Variants in MRPL48 observed in about 807,000 individuals in gnomAD.
The protein encoded by MRPL48 is large ribosomal subunit protein mL48.
Under a neutral mutation model 32.9 loss-of-function variants are expected in MRPL48, and 16 were observed. That is an observed-to-expected ratio of 0.49 (90% CI 0.33 to 0.74). The LOEUF is 0.74. Ranked by LOEUF, MRPL48 falls within the 30% of genes least tolerant of loss-of-function variation. The probability of loss-of-function intolerance (pLI) is 0.02; values close to 1 mark genes in which losing one functional copy is unlikely to be tolerated. For missense variants in MRPL48, 206 were observed against 245.3 expected (o/e 0.84, Z 1.07); for synonymous variants, 94 against 89.2 (o/e 1.05, Z -0.31).
chr11:73,844,763 T>G, intron 4 of MRPL48, 44 bp from the exon 5 acceptor site: 1 of 1,557,136 alleles, frequency 6.4e-7, no homozygotes, highest in South Asian at 1.2e-5. Context: ...TTAGAATTTC[T>G]TGTATAATAC....
intron 5 of MRPL48, chr11:73,851,213 A>T: frequency 2.4e-6 from 1 of 414,990 alleles, no homozygotes; most frequent in Non-Finnish European, 4.9e-6. Context: ...GCCATATTGG[A>T]CAAACAAAAA....
At chr11:73,857,425 C>T (rs1948501891) in intron 5 of MRPL48, among the ~76,000 whole-genome samples, 1 of 151,120 alleles carries the variant, frequency 6.6e-6, no homozygotes. Flanking sequence ...AGCCACTGCG[C>T]CCGACCGACT....
intron 5 of MRPL48, among the ~76,000 whole-genome samples, chr11:73,845,676 G>A (rs1256739403): frequency 5.3e-5 from 8 of 152,116 alleles, no homozygotes; most frequent in Non-Finnish European, 7.4e-5. Context: ...AGGGTGAGGC[G>A]GGAGGATAGC....
At chr11:73,800,119 A>G (rs1323989881) in intron 1 of MRPL48, among the ~76,000 whole-genome samples, 6 of 152,096 alleles carry the variant, frequency 3.9e-5, no homozygotes, top group African/African-American at 1.4e-4. Context: ...ATTAATTGAA[A>G]TAATATGGGC....
chr11:73,788,998 G>A (rs984864518), intron 1 of MRPL48, among the ~76,000 whole-genome samples: 1 of 152,142 alleles, frequency 6.6e-6, no homozygotes, highest in Non-Finnish European at 1.5e-5. Flanking sequence ...ATATTTCCAT[G>A]ATTCATAGGT....
rs970921281 is a variant in MRPL48, at chr11:73,832,812, A to G, written c.201+7016A>G. 10 of 152,142 alleles carry G rather than the reference A, an allele frequency of 6.6e-5. 1 individual carries two copies. Among genetic ancestry groups the G allele is most frequent in the African/African-American group, 2.4e-4 (10 of 41,430 alleles). 9.4% of individuals were successfully genotyped at this position (152,142 alleles called of 1,614,324 possible). ...TATATTAGCACTCATGTTTTCACTC[A>G]TTTATTTCTTGTAGCTCATTAAAAG... On this transcript the variant is annotated intron_variant, in intron 4 of 7. Transcript: ENST00000310614.
intron 5 of MRPL48, among the ~76,000 whole-genome samples, chr11:73,850,035 G>C (rs555662930): frequency 3.3e-4 from 50 of 152,330 alleles, no homozygotes; most frequent in African/African-American, 1.2e-3. Context: ...GGGAGGCAGA[G>C]GTTGCAGTGA....
chr11:73,814,820 C>G (rs1947633154), intron 3 of MRPL48, among the ~76,000 whole-genome samples: 4 of 151,724 alleles, frequency 2.6e-5, no homozygotes, highest in South Asian at 4.2e-4. Context: ...ATGGTGAAAC[C>G]CTGTCTCTAC....
intron 3 of MRPL48, among the ~76,000 whole-genome samples, chr11:73,813,112 A>C (rs972947918): frequency 3.3e-5 from 5 of 151,906 alleles, no homozygotes; most frequent in African/African-American, 4.8e-5. Flanking sequence ...GTGTGTCTTG[A>C]ATTTGTCATC....
chr11:73,791,472 A>T (rs2134923108), intron 1 of MRPL48, among the ~76,000 whole-genome samples: 1 of 151,992 alleles, frequency 6.6e-6, no homozygotes, highest in Admixed American at 6.5e-5. Flanking sequence ...GCAGCAGTGC[A>T]GTGGAGTGAT....
At chr11:73,856,384 TG>T (rs1324252052) in intron 5 of MRPL48, among the ~76,000 whole-genome samples, 7 of 152,196 alleles carry the variant, frequency 4.6e-5, no homozygotes, top group African/African-American at 1.7e-4. Flanking sequence ...GAGATGGAAT[TG>T]GGCTAGACAG....
chr11:73,848,336 C>T (rs759044128), intron 5 of MRPL48, among the ~76,000 whole-genome samples: 1 of 152,110 alleles, frequency 6.6e-6, no homozygotes, highest in Non-Finnish European at 1.5e-5. Flanking sequence ...TATGCTTACA[C>T]CTGTACCCAC....
intron 2 of MRPL48, among the ~76,000 whole-genome samples, chr11:73,805,689 A>G (rs371325000): frequency 7.7e-4 from 88 of 114,472 alleles, no homozygotes; most frequent in Middle Eastern, 7.5e-3. Context: ...GGCAGAGTCT[A>G]CCTCTGTTGC....
intron 1 of MRPL48, among the ~76,000 whole-genome samples, chr11:73,794,445 C>T (rs1210599916): frequency 1.3e-5 from 2 of 151,442 alleles, no homozygotes; most frequent in African/African-American, 2.4e-5. Context: ...ATCCCAGCTA[C>T]TCGGGAGGTT....
intron 1 of MRPL48, among the ~76,000 whole-genome samples, chr11:73,799,167 G>A (rs534941825): frequency 6.6e-6 from 1 of 152,070 alleles, no homozygotes. Flanking sequence ...TAGAGCCTGG[G>A]CAACATGGCA....
At chr11:73,834,360 A>G (rs1948050303) in intron 4 of MRPL48, among the ~76,000 whole-genome samples, 3 of 152,130 alleles carry the variant, frequency 2.0e-5, no homozygotes, top group African/African-American at 4.8e-5. Context: ...TTGTTTTGCC[A>G]TACTTATCAT....
intron 4 of MRPL48, among the ~76,000 whole-genome samples, chr11:73,834,792 A>G (rs74455944): frequency 2.7e-5 from 4 of 148,848 alleles, no homozygotes; most frequent in Admixed American, 6.7e-5. Context: ...GCCTCAGCCT[A>G]CCAAAGTGCT....
chr11:73,802,007 A>G (rs1947370187), intron 1 of MRPL48: 1 of 152,192 alleles, frequency 6.6e-6, no homozygotes, highest in South Asian at 2.1e-4. Context: ...TTGGGTGATG[A>G]TAAGAGTTTT....
In MRPL48 at chr11:73,864,285, C is replaced by G; in HGVS notation, c.565-11C>G. 1.2e-6 allele frequency: 2 copies of G among 1,612,438 alleles called. No homozygotes were observed. The highest frequency in any genetic ancestry group is 4.5e-5 in the East Asian group (2 of 44,856). On this transcript the variant is annotated splice_polypyrimidine_tract_variant and intron_variant, in intron 7 of 7. Transcript: ENST00000310614. Reference sequence around the variant, plus strand: ...AGTAATTACCGCTTATTTTCTTTTTCTTCTCCTTAGCACACTGAAGAAGAC... The same window carrying G: ...AGTAATTACCGCTTATTTTCTTTTTGTTCTCCTTAGCACACTGAAGAAGAC...
Sources: allele counts gnomAD v4.1 joint callset (sites outside exome capture counted in the v4.1 genomes callset), GRCh38; gene constraint gnomAD v4.1.1; transcripts MANE v1.5; gene names NCBI Gene and HGNC (gene_info 2026-07-23, HGNC 2026-07-21).